Variants in CACNG4 observed in about 807,000 individuals in gnomAD.
CACNG4 encodes the protein voltage-dependent calcium channel gamma-4 subunit.
CACNG4 carries 8 observed loss-of-function variants against 22.9 expected under a neutral mutation model. The observed-to-expected ratio is 0.35, with a 90% confidence interval of 0.21 to 0.63. The LOEUF (loss-of-function observed/expected upper bound fraction) is 0.63. Ranked by LOEUF, CACNG4 falls within the 30% of genes least tolerant of loss-of-function variation. CACNG4 has a pLI of 0.72. For missense variants in CACNG4, 357 were observed against 455.4 expected, an observed-to-expected ratio of 0.78 and a Z score of 1.97; for synonymous variants, 188 against 191.9, an observed-to-expected ratio of 0.98 and a Z score of 0.17.
intron 1 of CACNG4, among the ~76,000 whole-genome samples, chr17:67,006,525 G>T (rs777075858): frequency 3.3e-5 from 5 of 151,920 alleles, no homozygotes; most frequent in African/African-American, 1.2e-4. Context: ...GCTTCGTCTC[G>T]CCTGGGCCGC....
chr17:66,980,620 C>CTTTTTTTTTTTT (rs67051865), intron 1 of CACNG4, among the ~76,000 whole-genome samples: 21 of 106,996 alleles, frequency 2.0e-4, no homozygotes, highest in African/African-American at 4.8e-4. Flanking sequence ...TGTGTAAATT[C>CTTTTTTTTTTTT]TTTTTTTTTT....
intron 1 of CACNG4, among the ~76,000 whole-genome samples, chr17:66,986,755 G>A (rs563135985): frequency 3.9e-5 from 6 of 152,144 alleles, no homozygotes; most frequent in South Asian, 2.1e-4. Flanking sequence ...CATCACCTTC[G>A]TCTCCGCCTT....
intron 1 of CACNG4, among the ~76,000 whole-genome samples, chr17:66,990,646 C>T (rs1200752164): frequency 7.3e-6 from 1 of 137,800 alleles, no homozygotes; most frequent in Non-Finnish European, 1.6e-5. Context: ...ATCTAAGTCT[C>T]CTTATTTTAT....
At chr17:66,985,966 GA>G (rs2035303395) in intron 1 of CACNG4, among the ~76,000 whole-genome samples, 5 of 152,218 alleles carry the variant, frequency 3.3e-5, no homozygotes, top group South Asian at 4.1e-4. Context: ...AGAAGAAGAA[GA>G]AGAAGAAGGT....
intron 1 of CACNG4, among the ~76,000 whole-genome samples, chr17:66,995,804 C>T (rs11652598): frequency 6.6e-6 from 1 of 151,986 alleles, no homozygotes; most frequent in Non-Finnish European, 1.5e-5. Context: ...GAGCCAAGAT[C>T]GTGCCACTGC....
Position 67,032,559 on chromosome 17 carries a change from G to A in CACNG4, c.*1555G>A, listed in dbSNP as rs740554. ...CTGGGGTTCAGACCCAGGTCCGTTC[G>A]GCCTAGTGATGATGTCATCGTCCAT... is the stretch of plus-strand genomic sequence containing the variant. On this transcript the variant is annotated 3_prime_UTR_variant, in exon 4 of 4. Coordinates refer to ENST00000262138, the MANE Select transcript of CACNG4 (RefSeq NM_014405.4). The A allele has an allele frequency of 3.9e-3, 610 of 158,142 alleles. 4 individuals carry two copies. Among genetic ancestry groups the A allele is most frequent in the African/African-American group, 0.014 (584 of 41,566 alleles). 9.8% of individuals were successfully genotyped at this position (158,142 alleles called of 1,614,324 possible).
chr17:67,021,233 A>G (rs998415032), intron 2 of CACNG4, among the ~76,000 whole-genome samples: 15 of 151,874 alleles, frequency 9.9e-5, no homozygotes, highest in African/African-American at 3.6e-4. Flanking sequence ...TGGGCCTGCT[A>G]TGTACCAGGC....
chr17:67,011,651 ATGAG>A (rs66523724), intron 1 of CACNG4, among the ~76,000 whole-genome samples: 18,588 of 150,746 alleles, frequency 0.12, 2,114 homozygotes, highest in East Asian at 0.3. Context: ...GAATGAATGA[ATGAG>A]TGAGATGAGT....
intron 1 of CACNG4, among the ~76,000 whole-genome samples, chr17:67,008,023 G>A (rs761566778): frequency 6.6e-6 from 1 of 152,164 alleles, no homozygotes; most frequent in Non-Finnish European, 1.5e-5. Context: ...AGGGAAGCTG[G>A]GAAATACAGT....
chr17:66,979,328 CT>C (rs1296990828), intron 1 of CACNG4, among the ~76,000 whole-genome samples: 1 of 152,076 alleles, frequency 6.6e-6, no homozygotes, highest in East Asian at 1.9e-4. Context: ...TCAAGTCAGT[CT>C]TTTGAGAGTT....
At chr17:67,025,692 G>A (rs958210492) in intron 3 of CACNG4, among the ~76,000 whole-genome samples, 3 of 152,270 alleles carry the variant, frequency 2.0e-5, no homozygotes, top group African/African-American at 7.2e-5. Flanking sequence ...GGGTGACAGT[G>A]ACATGCCACC....
At chr17:67,028,268 A>T (rs908223971) in intron 3 of CACNG4, among the ~76,000 whole-genome samples, 1 of 152,044 alleles carries the variant, frequency 6.6e-6, no homozygotes, top group Non-Finnish European at 1.5e-5. Context: ...GATAAAACGC[A>T]ATGGGCCGGG....
chr17:67,009,946 C>T (rs2035459502), intron 1 of CACNG4, among the ~76,000 whole-genome samples: 1 of 152,100 alleles, frequency 6.6e-6, no homozygotes, highest in Non-Finnish European at 1.5e-5. Context: ...AATAAACTCC[C>T]ATGTCCTCTG....
intron 1 of CACNG4, among the ~76,000 whole-genome samples, chr17:67,010,776 C>T (rs1477273163): frequency 6.6e-6 from 1 of 152,068 alleles, no homozygotes; most frequent in Non-Finnish European, 1.5e-5. Flanking sequence ...TGTTCCCTTC[C>T]TTCCTGTGGA....
intron 1 of CACNG4, among the ~76,000 whole-genome samples, chr17:66,985,623 T>C (rs868599137): frequency 2.0e-5 from 3 of 152,210 alleles, no homozygotes; most frequent in Admixed American, 1.3e-4. Context: ...GGCACACGTC[T>C]TCCTTCCTGA....
chr17:66,976,803 G>C (rs1431596834), intron 1 of CACNG4, among the ~76,000 whole-genome samples: 1 of 152,128 alleles, frequency 6.6e-6, no homozygotes, highest in Non-Finnish European at 1.5e-5. Context: ...GTTGGCTGTG[G>C]CCTCTTTTCC....
At chr17:67,020,928 A>G (rs533077794) in intron 2 of CACNG4, among the ~76,000 whole-genome samples, 19 of 152,308 alleles carry the variant, frequency 1.2e-4, no homozygotes, top group African/African-American at 4.6e-4. Flanking sequence ...TTGCAGCCAG[A>G]TGCAGTGGTT....
intron 2 of CACNG4, among the ~76,000 whole-genome samples, chr17:67,020,989 AG>A (rs1011540498): frequency 2.6e-5 from 4 of 152,134 alleles, no homozygotes; most frequent in Admixed American, 2.0e-4. Flanking sequence ...AGATCGCTTG[AG>A]GTTAGGAGTT....
At chr17:66,967,224 A>G (rs1014476932) in intron 1 of CACNG4, among the ~76,000 whole-genome samples, 10 of 152,196 alleles carry the variant, frequency 6.6e-5, no homozygotes, top group African/African-American at 2.4e-4. Flanking sequence ...GAGAGCCCCA[A>G]GCTGATCTGG....
Sources: gnomAD v4.1 joint callset for allele counts (sites outside exome capture counted in the v4.1 genomes callset) on GRCh38, gnomAD v4.1.1 for gene constraint, MANE v1.5 for transcripts, NCBI Gene and HGNC (gene_info 2026-07-23, HGNC 2026-07-21) for gene names.